FBN2: variants seen among roughly 807,000 people sequenced by gnomAD.
The protein encoded by FBN2 is fibrillin-2.
In FBN2, 105 loss-of-function variants were observed where a neutral mutation model predicts 355.6. That is an observed-to-expected ratio of 0.30 (90% CI 0.25 to 0.35). The LOEUF is 0.35. FBN2 is among the 10% of genes least tolerant of loss of function. FBN2 has a pLI of 1.00. For missense variants in FBN2, 3,280 were observed against 3,758.7 expected, an observed-to-expected ratio of 0.87 and a Z score of 3.33; for synonymous variants, 1,350 against 1,301.2, an observed-to-expected ratio of 1.04 and a Z score of -0.81.
intron 41 of FBN2, among the ~76,000 whole-genome samples, chr5:128,308,480 C>A (rs1581205328): frequency 6.6e-6 from 1 of 152,188 alleles, no homozygotes; most frequent in Admixed American, 6.5e-5. Flanking sequence ...AATACATATA[C>A]CCTAAGTAAT....
intron 48 of FBN2, among the ~76,000 whole-genome samples, chr5:128,299,729 C>T (rs1749660162): frequency 6.6e-6 from 1 of 152,116 alleles, no homozygotes; most frequent in South Asian, 2.1e-4. Flanking sequence ...GTCTGGCACT[C>T]CCTAGTAAGA....
rs773235785 is a variant in FBN2 at position 128,345,528 on chromosome 5, C to T, written c.3046G>A (p.Val1016Ile). Reference protein sequence around the residue: ...KWDEDECIHPVPGKFRMDACC... With the variant: ...KWDEDECIHPIPGKFRMDACC... The stretch of plus-strand genomic sequence containing the variant: ...GCATCCATGCGGAACTTTCCAGGAA[C>T]GGGGTGGATGCATTCATCTTCATCC... The change falls in exon 24 of 65, where the codon GTT becomes ATT. Residue 1016 changes from valine to isoleucine, a missense_variant. This residue lies in a region of FBN2 where 2,284 missense variants were observed against 2,749.5 expected (regional missense o/e 0.83). Transcript: ENST00000262464. 1.6e-5 allele frequency: 26 copies of T among 1,614,056 alleles called. No individual in the cohort carries two copies. The highest frequency in any genetic ancestry group is 6.7e-5 in the Admixed American group (4 of 59,992).
Position 128,302,965 on chromosome 5 carries a change from G to A in FBN2, c.5917+8C>T. Reference sequence around the variant, plus strand: ...TAGAAGCAATAAAGGACTGAATGAAGTACTTACCCAGGCAATCATTATTAT... The same window carrying A: ...TAGAAGCAATAAAGGACTGAATGAAATACTTACCCAGGCAATCATTATTAT... On this transcript the variant is annotated splice_region_variant and intron_variant, in intron 46 of 64. Coordinates refer to ENST00000262464, the MANE Select transcript of FBN2 (RefSeq NM_001999.4). The A allele has an allele frequency of 1.5e-6, 2 of 1,371,404 alleles. No individual in the cohort carries two copies. Among genetic ancestry groups the A allele is most frequent in the Non-Finnish European group, 2.1e-6 (2 of 958,294 alleles). The allele number at this position is 1,371,404 out of a possible 1,614,324, so 85.0% of individuals were successfully genotyped here. A position where few individuals can be genotyped will look rare whatever the true frequency, so the allele number is the denominator to read the frequency against.
At chr5:128,390,103 C>T (rs1368343711) in intron 11 of FBN2, among the ~76,000 whole-genome samples, 9 of 152,124 alleles carry the variant, frequency 5.9e-5, no homozygotes, top group Admixed American at 2.0e-4. Flanking sequence ...ATTGGATATT[C>T]CTGATGGTCT....
chr5:128,411,636 G>A (rs1161670228), intron 7 of FBN2, among the ~76,000 whole-genome samples: 2 of 152,136 alleles, frequency 1.3e-5, no homozygotes, highest in African/African-American at 4.8e-5. Flanking sequence ...TGGAGCTTGG[G>A]GTTTTTATAG....
intron 34 of FBN2, among the ~76,000 whole-genome samples, chr5:128,325,316 A>G (rs917296339): frequency 6.6e-6 from 1 of 152,142 alleles, no homozygotes; most frequent in African/African-American, 2.4e-5. Flanking sequence ...TATATTTAGG[A>G]CAGTTAGCTT....
At chr5:128,268,208 C>A (rs1264396803) in intron 62 of FBN2, among the ~76,000 whole-genome samples, 1 of 152,188 alleles carries the variant, frequency 6.6e-6, no homozygotes. Flanking sequence ...ACTGATCACA[C>A]AGAAATACAA....
intron 51 of FBN2, 41 bp downstream of exon 51, chr5:128,289,841 T>C (rs748808167): frequency 6.3e-6 from 7 of 1,108,908 alleles, no homozygotes; most frequent in Non-Finnish European, 9.6e-6. Context: ...AATACGTGTG[T>C]ATTAAATAAG....
At chr5:128,358,559 G>A (rs974136814) in intron 19 of FBN2, among the ~76,000 whole-genome samples, 7 of 152,108 alleles carry the variant, frequency 4.6e-5, no homozygotes, top group African/African-American at 1.7e-4. Context: ...TCTTGAAATA[G>A]AAATTGTTTG....
chr5:128,307,208 AAAAT>A lies in FBN2; in HGVS notation c.5354-9_5354-6del. On this transcript the variant is annotated splice_region_variant and splice_polypyrimidine_tract_variant and intron_variant, in intron 41 of 64. Transcript: ENST00000262464. ...CACATATGGTTTTAAAGTCAGCTTTAAAATATAAACAAAGCAATGCACTCTTAAA... is the reference window on the plus strand; with the variant it reads ...CACATATGGTTTTAAAGTCAGCTTTAATAAACAAAGCAATGCACTCTTAAA... 7 of 1,579,780 alleles carry A rather than the reference AAAAT, an allele frequency of 4.4e-6. No homozygotes were observed. Among genetic ancestry groups the A allele is most frequent in the Non-Finnish European group, 6.1e-6 (7 of 1,149,142 alleles).
Position 128,259,791 on chromosome 5 carries a change from G to A in FBN2, c.8403C>T (p.Ser2801=). The A allele has an allele frequency of 1.2e-6, 2 of 1,613,664 alleles. No homozygotes were observed. Among genetic ancestry groups the A allele is most frequent in the Non-Finnish European group, 1.7e-6 (2 of 1,179,890 alleles). ...QISLESVDMD[S]PVNMKFNLSH... is the part of the protein sequence containing the mutation. ...AGAGGTTGAACTTCATGTTGACGGG[G>A]CTGTCCATGTCGACACTCTCTAGGC... Residue 2801 remains serine (S), a synonymous_variant, in exon 65 of 65, where the codon AGC becomes AGT. Transcript: ENST00000262464.
chr5:128,482,452 TA>T (rs1261757412), intron 5 of FBN2, among the ~76,000 whole-genome samples: 5 of 152,208 alleles, frequency 3.3e-5, no homozygotes, highest in African/African-American at 1.2e-4. Flanking sequence ...ATTCTTTTAT[TA>T]TTTTTAGTTC....
chr5:128,416,414 A>C (rs1044944193), intron 7 of FBN2, among the ~76,000 whole-genome samples: 2 of 152,210 alleles, frequency 1.3e-5, no homozygotes, highest in African/African-American at 4.8e-5. Flanking sequence ...CTTTTAGTTT[A>C]ATAGAGTCCC....
rs770676086 is a variant in FBN2 at position 128,288,436 on chromosome 5, G to A, written c.6757+2C>T. On this transcript the variant is annotated splice_donor_variant, in intron 53 of 64. Transcript: ENST00000262464. LOFTEE classifies it low-confidence loss of function (GC_TO_GT_DONOR). ...ATAATATTTAAGACAAAGATCACTT[G>A]CCTTCACAATTCATCATGGGCCCTG... 17 of 1,613,868 alleles carry A rather than the reference G, an allele frequency of 1.1e-5. No homozygotes were observed. The highest frequency in any genetic ancestry group is 4.5e-5 in the East Asian group (2 of 44,880).
intron 36 of FBN2, 63 bp from the exon 37 acceptor site, chr5:128,312,858 G>A: frequency 6.4e-7 from 1 of 1,566,644 alleles, no homozygotes; most frequent in Non-Finnish European, 8.8e-7. Context: ...CCATTTTAGG[G>A]AAAAGTCACT....
chr5:128,536,391 C>A lies in FBN2; in HGVS notation c.337+11G>T. ...CGCTGCCCCAAGCTGCGATCCCTGC[C>A]AAGCACTCACGGACAATGCACTGGT... On this transcript the variant is annotated intron_variant, in intron 2 of 64. Transcript: ENST00000262464. 2 of 1,612,280 alleles carry A rather than the reference C, an allele frequency of 1.2e-6. No individual in the cohort carries two copies. The highest frequency in any genetic ancestry group is 1.7e-6 in the Non-Finnish European group (2 of 1,178,472).
Position 128,472,396 on chromosome 5 carries a change from G to GT in FBN2, c.629-7476dup, listed in dbSNP as rs1754885424. Among the ~76,000 whole-genome samples, 3 of 152,220 alleles carry GT rather than the reference G, an allele frequency of 2.0e-5. 1 individual carries two copies. In the South Asian group the frequency reaches 6.2e-4, roughly 32 times the overall value. ...TGAAGGCTTACTGTTTGTTTGAGGGGTAAGGAGATTTCTGTTTTACAAGAT... is the reference window on the plus strand; with the variant it reads ...TGAAGGCTTACTGTTTGTTTGAGGGGTTAAGGAGATTTCTGTTTTACAAGAT... On this transcript the variant is annotated intron_variant, in intron 5 of 64. Transcript: ENST00000262464.
chr5:128,354,661 A>G (rs1250798877), intron 20 of FBN2, among the ~76,000 whole-genome samples: 2 of 152,188 alleles, frequency 1.3e-5, no homozygotes, highest in African/African-American at 4.8e-5. Flanking sequence ...AAGTGCAATC[A>G]ATAGGTTTGC....
chr5:128,446,781 G>A (rs573288999), intron 6 of FBN2, among the ~76,000 whole-genome samples, 175 bp from the exon 7 acceptor site: 1 of 152,184 alleles, frequency 6.6e-6, no homozygotes, highest in Admixed American at 6.5e-5. Flanking sequence ...TTATGTAAAT[G>A]GTATCATGTT....
Sources: allele counts gnomAD v4.1 joint callset (sites outside exome capture counted in the v4.1 genomes callset), GRCh38; gene constraint gnomAD v4.1.1; regional missense constraint gnomAD v4.1.1; transcripts MANE v1.5; gene names NCBI Gene and HGNC (gene_info 2026-07-23, HGNC 2026-07-21).